ZNF423: variants seen among roughly 807,000 people sequenced by gnomAD.
The protein encoded by ZNF423 is zinc finger protein 423, also known as Ebf-associated zinc finger protein.
Under a neutral mutation model 95.8 loss-of-function variants are expected in ZNF423, and 12 were observed. The observed-to-expected ratio is 0.13, with a 90% CI of 0.08 to 0.20. ZNF423 has a LOEUF of 0.20. Among genes scored for constraint, ZNF423 ranks in the 10% least tolerant of loss-of-function variants. ZNF423 has a pLI of 1.00. For missense variants in ZNF423, 1,316 were observed against 1,737.1 expected, an observed-to-expected ratio of 0.76 and a Z score of 4.31; for synonymous variants, 749 against 711.9, an observed-to-expected ratio of 1.05 and a Z score of -0.83.
chr16:49,758,126 C>A (rs528621898), intron 2 of ZNF423, among the ~76,000 whole-genome samples: 1 of 152,238 alleles, frequency 6.6e-6, no homozygotes, highest in South Asian at 2.1e-4. Context: ...GCTTCCAGAT[C>A]AGGAATTGTT....
chr16:49,507,097 C>T (rs1344138399), intron 7 of ZNF423, among the ~76,000 whole-genome samples: 1 of 152,180 alleles, frequency 6.6e-6, no homozygotes, highest in Non-Finnish European at 1.5e-5. Context: ...CCAAGTCACT[C>T]GCTTCTCTAA....
chr16:49,621,729 C>T (rs1386628183), intron 5 of ZNF423, among the ~76,000 whole-genome samples: 1 of 152,206 alleles, frequency 6.6e-6, no homozygotes, highest in African/African-American at 2.4e-5. Flanking sequence ...TCCACTGGGA[C>T]ACTGGGCCCC....
chr16:49,799,365 G>A (rs2034546886), intron 1 of ZNF423, among the ~76,000 whole-genome samples: 1 of 152,236 alleles, frequency 6.6e-6, no homozygotes, highest in Non-Finnish European at 1.5e-5. Flanking sequence ...AAAGACAGGA[G>A]AGCTGAGTTT....
intron 1 of ZNF423, among the ~76,000 whole-genome samples, chr16:49,812,864 G>A (rs2034775503): frequency 6.6e-6 from 1 of 152,138 alleles, no homozygotes; most frequent in Admixed American, 6.5e-5. Context: ...AAATTGCCCT[G>A]GAACCAGACA....
intron 5 of ZNF423, among the ~76,000 whole-genome samples, chr16:49,607,106 T>C (rs1172229536): frequency 6.8e-6 from 1 of 147,458 alleles, no homozygotes; most frequent in Non-Finnish European, 1.5e-5. Flanking sequence ...ATCTTGACAG[T>C]TGAGAGAGTC....
At chr16:49,746,589 C>T (rs2033529102) in intron 2 of ZNF423, among the ~76,000 whole-genome samples, 1 of 152,236 alleles carries the variant, frequency 6.6e-6, no homozygotes, top group Admixed American at 6.5e-5. Context: ...GAGATTCTCC[C>T]GCCTCAGCAT....
chr16:49,640,391 C>T (rs983883908), intron 3 of ZNF423, among the ~76,000 whole-genome samples: 3 of 152,156 alleles, frequency 2.0e-5, no homozygotes, highest in Admixed American at 2.0e-4. Context: ...TACATGCACA[C>T]GCTCATGTAC....
chr16:49,707,383 G>T (rs962042235), intron 3 of ZNF423, among the ~76,000 whole-genome samples: 4 of 152,254 alleles, frequency 2.6e-5, no homozygotes, highest in African/African-American at 9.6e-5. Flanking sequence ...GGAGGCCAAG[G>T]CGGGTGGATC....
chr16:49,762,412 C>T (rs2033848708), intron 2 of ZNF423, among the ~76,000 whole-genome samples: 1 of 152,200 alleles, frequency 6.6e-6, no homozygotes, highest in African/African-American at 2.4e-5. Context: ...ACACAGAAGC[C>T]TGTGGCCAGC....
intron 2 of ZNF423, among the ~76,000 whole-genome samples, chr16:49,743,273 A>T (rs745604636): frequency 2.0e-5 from 3 of 152,116 alleles, no homozygotes; most frequent in Admixed American, 6.5e-5. Context: ...GTGAATCTGC[A>T]CCCCCACAGG....
chr16:49,620,174 A>AACACACACATACACACACATACACAT lies in ZNF423; in HGVS notation c.3601+5970_3601+5995dup, dbSNP rs1567507974. ...ACACACACACACACCACACACACAC[A>AACACACACATACACACACATACACAT]ACACACACATACACACACATACACA... On this transcript the variant is annotated intron_variant, in intron 5 of 7. Coordinates refer to ENST00000563137, the MANE Select transcript of ZNF423 (RefSeq NM_001379286.1). Among the ~76,000 whole-genome samples, 178 of 149,124 alleles carry AACACACACATACACACACATACACAT rather than the reference A, an allele frequency of 1.2e-3. 1 individual carries two copies. The South Asian group carries it at 0.028, about 23-fold the overall frequency.
chr16:49,537,231 C>A (rs1207731007), intron 5 of ZNF423, among the ~76,000 whole-genome samples: 1 of 152,222 alleles, frequency 6.6e-6, no homozygotes, highest in Admixed American at 6.5e-5. Flanking sequence ...TTTGAACCAA[C>A]AAGTCATATG....
At chr16:49,503,570 C>T (rs1967518579) in intron 7 of ZNF423, among the ~76,000 whole-genome samples, 1 of 152,204 alleles carries the variant, frequency 6.6e-6, no homozygotes. Flanking sequence ...CACATCGGAG[C>T]CATCCTCCTG....
chr16:49,803,202 T>C (rs141231803), intron 1 of ZNF423, among the ~76,000 whole-genome samples: 2 of 152,104 alleles, frequency 1.3e-5, no homozygotes, highest in East Asian at 3.9e-4. Flanking sequence ...AAGGCTGCAG[T>C]GAGTTATGAT....
In ZNF423 at chr16:49,561,201, G is replaced by A. The variant is rs140608831; in HGVS notation, c.3602-35707C>T. Among the ~76,000 whole-genome samples the A allele has an allele frequency of 3.9e-5, 6 of 152,286 alleles. No homozygotes were observed. In the East Asian group the frequency reaches 5.8e-4, roughly 15 times the overall value. On this transcript the variant is annotated intron_variant, in intron 5 of 7. Transcript: ENST00000563137. ...TTCTCTTCCCAACTCCAGATTCAGC[G>A]AAATGATATTGGTAGACTGAAATTG...
At chr16:49,590,363 C>G (rs1970974320) in intron 5 of ZNF423, among the ~76,000 whole-genome samples, 1 of 152,098 alleles carries the variant, frequency 6.6e-6, no homozygotes, top group East Asian at 1.9e-4. Flanking sequence ...GGCTCACACC[C>G]AAGCCACAGC....
chr16:49,578,503 C>T (rs1394409913), intron 5 of ZNF423, among the ~76,000 whole-genome samples: 3 of 152,158 alleles, frequency 2.0e-5, no homozygotes, highest in Admixed American at 6.5e-5. Context: ...GCTTGTGGGC[C>T]GCGGGAGCCT....
intron 7 of ZNF423, among the ~76,000 whole-genome samples, chr16:49,512,466 C>T (rs1462691127): frequency 1.3e-5 from 2 of 152,236 alleles, no homozygotes; most frequent in Non-Finnish European, 2.9e-5. Flanking sequence ...CGGTGACTTG[C>T]TTATGGTCAT....
At chr16:49,816,776 C>T (rs1209738403) in intron 1 of ZNF423, among the ~76,000 whole-genome samples, 1 of 151,732 alleles carries the variant, frequency 6.6e-6, no homozygotes, top group African/African-American at 2.4e-5. Flanking sequence ...AGAGCGAGAC[C>T]CTGTCTCAAA....
Sources: gnomAD v4.1 joint callset for allele counts (sites outside exome capture counted in the v4.1 genomes callset) on GRCh38, gnomAD v4.1.1 for gene constraint, MANE v1.5 for transcripts, NCBI Gene and HGNC (gene_info 2026-07-23, HGNC 2026-07-21) for gene names.